ODF2L: variants seen among roughly 807,000 people sequenced by gnomAD.
The protein encoded by ODF2L is protein BCAP.
ODF2L carries 76 observed loss-of-function variants against 86.3 expected under a neutral mutation model. That is an observed-to-expected ratio of 0.88 (90% CI 0.73 to 1.07). The LOEUF (loss-of-function observed/expected upper bound fraction) is 1.07. Ranked by LOEUF, ODF2L falls within the 50% of genes least tolerant of loss-of-function variation. The pLI is 0.00. For synonymous variants in ODF2L, 241 were observed against 231.3 expected (o/e 1.04, Z -0.38); for missense variants, 748 against 717.4 (o/e 1.04, Z -0.49).
exon 10 of ODF2L, chr1:86,371,134 C>G: frequency 6.6e-7 from 1 of 1,516,328 alleles, no homozygotes; most frequent in Non-Finnish European, 8.9e-7. Flanking sequence ...TTCAGATCTT[C>G]CAAAAGATTA....
intron 10 of ODF2L, 105 bp downstream of exon 10, chr1:86,370,913 A>G: frequency 1.6e-6 from 1 of 615,122 alleles, no homozygotes. Flanking sequence ...AGACAGAATT[A>G]TACAAGAGCA....
exon 15 of ODF2L, chr1:86,354,795 A>G (rs1658413019): frequency 4.4e-6 from 7 of 1,603,170 alleles, no homozygotes; most frequent in East Asian, 2.2e-5. Context: ...TTCACACTTC[A>G]GCTGAATAAG....
At chr1:86,389,679 T>C (rs1406442072) in intron 1 of ODF2L, among the ~76,000 whole-genome samples, 2 of 151,182 alleles carry the variant, frequency 1.3e-5, no homozygotes, top group Non-Finnish European at 2.9e-5. Flanking sequence ...AAGATTCAAA[T>C]AAGCTCAATT....
intron 1 of ODF2L, among the ~76,000 whole-genome samples, chr1:86,388,211 T>C (rs979571835): frequency 6.6e-6 from 1 of 152,046 alleles, no homozygotes; most frequent in African/African-American, 2.4e-5. Flanking sequence ...ATTACAATGG[T>C]ATAACAATAT....
At chr1:86,355,349 G>A in intron 14 of ODF2L, 1 of 1,534,458 alleles carries the variant, frequency 6.5e-7, no homozygotes, top group Non-Finnish European at 8.8e-7. Context: ...ACTCACCCAT[G>A]CCAAGACAGA....
At chr1:86,384,052 A>C (rs1459170860) in intron 4 of ODF2L, among the ~76,000 whole-genome samples, 1 of 151,826 alleles carries the variant, frequency 6.6e-6, no homozygotes, top group East Asian at 1.9e-4. Flanking sequence ...GATCAAGAGA[A>C]TATTTCTCTG....
intron 1 of ODF2L, among the ~76,000 whole-genome samples, chr1:86,392,728 A>T (rs1030682720): frequency 6.6e-6 from 1 of 152,170 alleles, no homozygotes; most frequent in Non-Finnish European, 1.5e-5. Context: ...CTGCTCAGGG[A>T]TGGGTGCACC....
intron 7 of ODF2L, among the ~76,000 whole-genome samples, chr1:86,378,927 G>C (rs928673767): frequency 6.6e-6 from 1 of 152,006 alleles, no homozygotes; most frequent in African/African-American, 2.4e-5. Context: ...GGGGCCTGGT[G>C]GGAGGTGGTT....
At chr1:86,354,579 G>A in exon 16 of ODF2L, 1 of 1,609,020 alleles carries the variant, frequency 6.2e-7, no homozygotes, top group Non-Finnish European at 8.5e-7. Context: ...GGCCAATGCT[G>A]TATACTCTGC....
At chr1:86,377,681 C>A (rs370197805) in intron 7 of ODF2L, among the ~76,000 whole-genome samples, 8 of 152,324 alleles carry the variant, frequency 5.3e-5, no homozygotes, top group South Asian at 4.1e-4. Flanking sequence ...CTTGGGGCAT[C>A]CACCCTCTGA....
chr1:86,357,764 T>TTAACA, intron 13 of ODF2L: 12 of 978,356 alleles, frequency 1.2e-5, no homozygotes, highest in Non-Finnish European at 1.5e-5. Flanking sequence ...AAAAAATAGT[T>TTAACA]GTCTTGTTAA....
At chr1:86,372,141 A>T (rs950908325) in intron 9 of ODF2L, among the ~76,000 whole-genome samples, 2 of 150,612 alleles carry the variant, frequency 1.3e-5, no homozygotes, top group Non-Finnish European at 2.9e-5. Context: ...GTGAGCTGAG[A>T]TTGCACCACT....
At chr1:86,373,927 A>T (rs531074515) in intron 8 of ODF2L, among the ~76,000 whole-genome samples, 2 of 152,344 alleles carry the variant, frequency 1.3e-5, no homozygotes, top group African/African-American at 4.8e-5. Context: ...TAGGGCCTTG[A>T]TAGTGCCTGG....
intron 8 of ODF2L, among the ~76,000 whole-genome samples, chr1:86,373,865 G>A (rs1344832037): frequency 6.6e-6 from 1 of 152,170 alleles, no homozygotes; most frequent in Admixed American, 6.5e-5. Context: ...TTTTGAATGT[G>A]AACTCCCATG....
chr1:86,389,845 A>G lies in ODF2L; in HGVS notation c.-59-2759T>C, dbSNP rs144958406. 7.8e-3 allele frequency among the ~76,000 whole-genome samples: 1,191 copies of G among 152,308 alleles called. 10 individuals carry two copies. Among genetic ancestry groups the G allele is most frequent in the African/African-American group, 0.027 (1,133 of 41,568 alleles). The stretch of plus-strand genomic sequence containing the variant: ...CCTAGCTTAAATCAGGAAGAATGAG[A>G]AACCCTGAACAGACCAATAACAACC... On this transcript the variant is annotated intron_variant, in intron 1 of 17. Transcript: ENST00000317336.
At chr1:86,376,332 T>C (rs1460187454) in exon 8 of ODF2L, 2 of 1,612,328 alleles carry the variant, frequency 1.2e-6, no homozygotes, top group South Asian at 1.1e-5. Context: ...CTACAGTTTT[T>C]TGCCTACTTG....
At chr1:86,357,603 G>GAAA (rs72508994) in intron 13 of ODF2L, 33 of 168,498 alleles carry the variant, frequency 2.0e-4, no homozygotes, top group South Asian at 3.6e-4. Flanking sequence ...AGTAAAACAG[G>GAAA]AAAAAAAAAA....
At chr1:86,384,143 AAAT>A (rs1017577083) in intron 4 of ODF2L, among the ~76,000 whole-genome samples, 1 of 151,804 alleles carries the variant, frequency 6.6e-6, no homozygotes, top group African/African-American at 2.4e-5. Flanking sequence ...TACAATTCTG[AAAT>A]AATTTTTATC....
At chr1:86,392,718 C>T (rs562144740) in intron 1 of ODF2L, among the ~76,000 whole-genome samples, 1 of 152,224 alleles carries the variant, frequency 6.6e-6, no homozygotes, top group African/African-American at 2.4e-5. Context: ...TCAGTGTACA[C>T]TGCTCAGGGA....
Sources: allele counts gnomAD v4.1 joint callset (sites outside exome capture counted in the v4.1 genomes callset), GRCh38; gene constraint gnomAD v4.1.1; transcripts MANE v1.5; gene names NCBI Gene and HGNC (gene_info 2026-07-23, HGNC 2026-07-21).